ZNRF3: variants seen among roughly 807,000 people sequenced by gnomAD.
ZNRF3 encodes zinc and ring finger 3, also known as E3 ubiquitin-protein ligase ZNRF3.
A neutral mutation model predicts 72.5 loss-of-function variants in ZNRF3; 23 were observed. The observed-to-expected ratio is 0.32, with a 90% CI of 0.23 to 0.45. The LOEUF is 0.45. Among genes scored for constraint, ZNRF3 ranks in the 20% least tolerant of loss-of-function variants. ZNRF3 has a pLI of 1.00. For missense variants in ZNRF3, 1,169 were observed against 1,272.1 expected (o/e 0.92, Z 1.23); for synonymous variants, 610 against 545.3 (o/e 1.12, Z -1.65).
intron 1 of ZNRF3, among the ~76,000 whole-genome samples, chr22:28,916,590 C>T (rs16986838): frequency 0.13 from 20,510 of 152,136 alleles, 1,968 homozygotes; most frequent in East Asian, 0.43. Flanking sequence ...ATTTTCAGCA[C>T]TTAGCAGAGT....
intron 2 of ZNRF3, among the ~76,000 whole-genome samples, chr22:29,021,742 C>T (rs2036544660): frequency 6.6e-6 from 1 of 152,146 alleles, no homozygotes; most frequent in Non-Finnish European, 1.5e-5. Context: ...CCCACCTCGA[C>T]CTCCCAAAGT....
chr22:29,042,019 A>G (rs2036971793), intron 2 of ZNRF3, among the ~76,000 whole-genome samples: 2 of 152,148 alleles, frequency 1.3e-5, no homozygotes, highest in Non-Finnish European at 2.9e-5. Context: ...CTGGATAGGA[A>G]GACAAAAGTT....
At chr22:28,904,778 C>G (rs1175271933) in intron 1 of ZNRF3, among the ~76,000 whole-genome samples, 1 of 152,066 alleles carries the variant, frequency 6.6e-6, no homozygotes, top group Non-Finnish European at 1.5e-5. Context: ...AAGGCTACCT[C>G]TCTGTATCCT....
At chr22:28,984,080 C>T (rs2035812086) in intron 1 of ZNRF3, among the ~76,000 whole-genome samples, 1 of 151,056 alleles carries the variant, frequency 6.6e-6, no homozygotes, top group African/African-American at 2.4e-5. Flanking sequence ...CTAGGCAGGG[C>T]GTAAGTCATT....
At chr22:28,925,891 T>A (rs1199896766) in intron 1 of ZNRF3, among the ~76,000 whole-genome samples, 1 of 152,056 alleles carries the variant, frequency 6.6e-6, no homozygotes, top group Non-Finnish European at 1.5e-5. Flanking sequence ...CCTTTTTAAT[T>A]TGGTTTCTAT....
chr22:28,942,127 T>C (rs2034958502), intron 1 of ZNRF3, among the ~76,000 whole-genome samples: 1 of 152,232 alleles, frequency 6.6e-6, no homozygotes, highest in Non-Finnish European at 1.5e-5. Context: ...TGTGTACCTC[T>C]AGCCCGGTGA....
chr22:28,935,541 C>T (rs1053200176), intron 1 of ZNRF3, among the ~76,000 whole-genome samples: 4 of 152,200 alleles, frequency 2.6e-5, no homozygotes, highest in African/African-American at 9.7e-5. Flanking sequence ...GGGGTCAAGA[C>T]TGCTGTCTTT....
intron 1 of ZNRF3, among the ~76,000 whole-genome samples, chr22:28,962,506 C>G (rs2035380815): frequency 6.6e-6 from 1 of 152,200 alleles, no homozygotes; most frequent in Non-Finnish European, 1.5e-5. Flanking sequence ...ACCCCTGATT[C>G]TAGCTATTAT....
intron 2 of ZNRF3, among the ~76,000 whole-genome samples, chr22:29,014,471 A>G (rs553116910): frequency 1.3e-5 from 2 of 152,146 alleles, no homozygotes; most frequent in Non-Finnish European, 2.9e-5. Context: ...GCTGCTCAGA[A>G]GCTAGGCTTA....
rs10601140 is a variant in ZNRF3 at position 28,999,163 on chromosome 22, C to CAA, written c.426+11982_426+11983dup. ...TGAAACCTCATCTCTAATAAAAATACAAAAAAAAAAAAAAAAAAAAATTAG... is the reference window on the plus strand; with the variant it reads ...TGAAACCTCATCTCTAATAAAAATACAAAAAAAAAAAAAAAAAAAAAAATTAG... On this transcript the variant is annotated intron_variant, in intron 2 of 8. Coordinates refer to ENST00000544604, the MANE Select transcript of ZNRF3 (RefSeq NM_001206998.2). Among the ~76,000 whole-genome samples the CAA allele has an allele frequency of 2.5e-3, 159 of 63,408 alleles. 1 individual carries two copies. The highest frequency in any genetic ancestry group is 0.02 in the Middle Eastern group (2 of 102). The allele number at this position is 63,408 out of a possible 152,430, so 41.6% of individuals were successfully genotyped here.
At chr22:28,945,960 C>G (rs2035046121) in intron 1 of ZNRF3, among the ~76,000 whole-genome samples, 1 of 152,142 alleles carries the variant, frequency 6.6e-6, no homozygotes, top group Admixed American at 6.5e-5. Context: ...CTTCAGTGGT[C>G]AGGTATCACA....
At chr22:28,910,171 G>A (rs1478813152) in intron 1 of ZNRF3, among the ~76,000 whole-genome samples, 1 of 152,058 alleles carries the variant, frequency 6.6e-6, no homozygotes, top group East Asian at 1.9e-4. Context: ...GAGTAGTTGT[G>A]ATTACAGGTG....
intron 2 of ZNRF3, among the ~76,000 whole-genome samples, chr22:29,006,569 C>T (rs1028793735): frequency 4.6e-5 from 7 of 152,156 alleles, no homozygotes; most frequent in Non-Finnish European, 1.5e-5. Flanking sequence ...GGTTCCTTAT[C>T]AGTCTCCAGG....
chr22:28,979,194 T>C (rs1280106987), intron 1 of ZNRF3, among the ~76,000 whole-genome samples: 3 of 152,210 alleles, frequency 2.0e-5, no homozygotes, highest in Non-Finnish European at 4.4e-5. Flanking sequence ...GCCATCGTCC[T>C]GGGATTTCTC....
chr22:28,902,484 A>G (rs1721346598), intron 1 of ZNRF3, among the ~76,000 whole-genome samples: 1 of 151,648 alleles, frequency 6.6e-6, no homozygotes, highest in Admixed American at 6.6e-5. Context: ...CTGCGCTCAA[A>G]TGATCCTCCC....
At chr22:28,931,843 A>G (rs1381915866) in intron 1 of ZNRF3, among the ~76,000 whole-genome samples, 2 of 152,246 alleles carry the variant, frequency 1.3e-5, no homozygotes, top group African/African-American at 2.4e-5. Context: ...TGGGCTAGAC[A>G]TGTAAAGAGA....
At chr22:28,949,268 G>A (rs947478092) in intron 1 of ZNRF3, among the ~76,000 whole-genome samples, 16 of 151,138 alleles carry the variant, frequency 1.1e-4, no homozygotes, top group African/African-American at 3.9e-4. Context: ...GTGAGCCACA[G>A]CACCCAGCCT....
intron 1 of ZNRF3, among the ~76,000 whole-genome samples, chr22:28,928,822 A>T (rs1396344582): frequency 2.0e-5 from 3 of 152,138 alleles, no homozygotes; most frequent in African/African-American, 7.2e-5. Context: ...AGATGGCTTT[A>T]AAAAATCCAG....
intron 2 of ZNRF3, among the ~76,000 whole-genome samples, chr22:29,001,761 C>T (rs559454449): frequency 4.7e-4 from 71 of 152,158 alleles, no homozygotes; most frequent in Middle Eastern, 3.4e-3. Flanking sequence ...TGAGCCACCG[C>T]GCCCAGCCAA....
Sources: allele counts gnomAD v4.1 joint callset (sites outside exome capture counted in the v4.1 genomes callset), GRCh38; gene constraint gnomAD v4.1.1; transcripts MANE v1.5; gene names NCBI Gene and HGNC (gene_info 2026-07-23, HGNC 2026-07-21).